Variants in KATNAL1 observed in about 807,000 individuals in gnomAD.
KATNAL1 encodes katanin p60 ATPase-containing subunit A-like 1.
A neutral mutation model predicts 55.2 loss-of-function variants in KATNAL1; 32 were observed. The observed-to-expected ratio is 0.58, with a 90% CI of 0.44 to 0.78. KATNAL1 has a LOEUF of 0.78. Ranked by LOEUF, KATNAL1 falls within the 30% of genes least tolerant of loss-of-function variation. KATNAL1 has a pLI of 0.00. For synonymous variants in KATNAL1, 193 were observed against 193.6 expected, an observed-to-expected ratio of 1.00 and a Z score of 0.02; for missense variants, 466 against 600.9, an observed-to-expected ratio of 0.78 and a Z score of 2.35.
chr13:30,233,258 A>G (rs968758306), intron 6 of KATNAL1, among the ~76,000 whole-genome samples: 1 of 152,216 alleles, frequency 6.6e-6, no homozygotes, highest in African/African-American at 2.4e-5. Flanking sequence ...GCAACTCAAT[A>G]GCAAAAAGAC....
chr13:30,210,636 A>T, intron 9 of KATNAL1, 194 bp from the exon 10 acceptor site: 3 of 175,836 alleles, frequency 1.7e-5, no homozygotes, highest in East Asian at 1.2e-4. Flanking sequence ...CCTCTGTTGC[A>T]GTAACTAAAA....
chr13:30,259,366 G>A (rs911264190), intron 3 of KATNAL1, among the ~76,000 whole-genome samples: 2 of 151,890 alleles, frequency 1.3e-5, no homozygotes, highest in African/African-American at 2.4e-5. Context: ...GTGGGGGGAG[G>A]AGCCAAGATG....
At chr13:30,267,792 T>G (rs1019049729) in intron 3 of KATNAL1, among the ~76,000 whole-genome samples, 3 of 151,628 alleles carry the variant, frequency 2.0e-5, no homozygotes, top group African/African-American at 7.3e-5. Flanking sequence ...GAGAGAGAAA[T>G]AGAAGCACAT....
Position 30,204,421 on chromosome 13 carries a change from A to ATC in KATNAL1, c.*4117_*4118dup, listed in dbSNP as rs1872926873. 8.5e-6 allele frequency: 1 copy of ATC among 117,396 alleles called. No individual in the cohort carries two copies. The highest frequency in any genetic ancestry group is 9.9e-5 in the Admixed American group (1 of 10,052). The allele number at this position is 117,396 out of a possible 1,614,324, so 7.3% of individuals were successfully genotyped here. A position where few individuals can be genotyped will look rare whatever the true frequency, so the allele number is the denominator to read the frequency against. ...AAATACTTGCCTAGTCCTTCATTTT[A>ATC]TCTCAAGTTAGGGTGGGGGGAAAGT... On this transcript the variant is annotated 3_prime_UTR_variant, in exon 11 of 11. Transcript: ENST00000380615.
intron 1 of KATNAL1, among the ~76,000 whole-genome samples, chr13:30,290,157 C>T (rs1472842732): frequency 1.3e-5 from 2 of 151,902 alleles, no homozygotes; most frequent in Non-Finnish European, 2.9e-5. Flanking sequence ...GCAAGGGAAG[C>T]AAATTAAAAC....
Position 30,279,993 on chromosome 13 carries a change from T to C in KATNAL1, c.323+70A>G, listed in dbSNP as rs1174379959. Reference sequence around the variant, plus strand: ...CCCAAAAATAATTTTTCATACTTTGTTCAAAACATGCTTCACTGTGAACAT... The same window carrying C: ...CCCAAAAATAATTTTTCATACTTTGCTCAAAACATGCTTCACTGTGAACAT... On this transcript the variant is annotated intron_variant, in intron 3 of 10. Transcript: ENST00000380615. 12 of 1,370,798 alleles carry C rather than the reference T, an allele frequency of 8.8e-6. 1 individual carries two copies. The highest frequency in any genetic ancestry group is 1.2e-5 in the Non-Finnish European group (12 of 1,002,762). 84.9% of individuals were successfully genotyped at this position (1,370,798 alleles called of 1,614,324 possible).
chr13:30,253,224 A>G (rs540915173), intron 4 of KATNAL1, among the ~76,000 whole-genome samples: 7 of 152,306 alleles, frequency 4.6e-5, no homozygotes, highest in Middle Eastern at 3.4e-3. Context: ...AGGCTTATGA[A>G]GTTTGCATGA....
chr13:30,253,966 G>A (rs897689186), intron 4 of KATNAL1, among the ~76,000 whole-genome samples: 37 of 152,256 alleles, frequency 2.4e-4, no homozygotes, highest in Non-Finnish European at 4.4e-5. Context: ...CTGTAAAGTC[G>A]GGATAGTAAG....
rs1430782522 is a variant in KATNAL1, at chr13:30,206,679, T to C, written c.*1861A>G. The stretch of plus-strand genomic sequence containing the variant: ...AAAGTAATGGAAAAACCACAATTAC[T>C]TTTGCACCAACCCATTACAAACAAG... On this transcript the variant is annotated 3_prime_UTR_variant, in exon 11 of 11. Transcript: ENST00000380615. 1 of 151,840 alleles carries C rather than the reference T, an allele frequency of 6.6e-6. No homozygotes were observed. The allele number at this position is 151,840 out of a possible 1,614,324, so 9.4% of individuals were successfully genotyped here. A position where few individuals can be genotyped will look rare whatever the true frequency, so the allele number is the denominator to read the frequency against.
Position 30,284,140 on chromosome 13 carries a change from G to A in KATNAL1, c.-14-349C>T, listed in dbSNP as rs146096553. 6.8e-3 allele frequency among the ~76,000 whole-genome samples: 1,041 copies of A among 152,238 alleles called. 5 individuals carry two copies. Among genetic ancestry groups the A allele is most frequent in the Non-Finnish European group, 0.011 (749 of 68,014 alleles). On this transcript the variant is annotated intron_variant, in intron 1 of 10. Coordinates refer to ENST00000380615, the MANE Select transcript of KATNAL1 (RefSeq NM_032116.5). ...CTCCCAAAGTGCTGGGATTACAGGC[G>A]TGAGCCACTGCGCCCAGTCTAGAAC... is the stretch of plus-strand genomic sequence containing the variant.
chr13:30,272,633 T>A (rs1444798984), intron 3 of KATNAL1, among the ~76,000 whole-genome samples: 1 of 152,136 alleles, frequency 6.6e-6, no homozygotes, highest in East Asian at 1.9e-4. Flanking sequence ...TTCAGTTGCC[T>A]TTTCTGTAAC....
chr13:30,282,936 C>G (rs1324981686), intron 2 of KATNAL1, among the ~76,000 whole-genome samples: 2 of 121,854 alleles, frequency 1.6e-5, no homozygotes, highest in Non-Finnish European at 1.7e-5. Context: ...GCCTGGGAAA[C>G]AGAGTAAGAC....
At chr13:30,232,600 C>T (rs144040996) in intron 6 of KATNAL1, among the ~76,000 whole-genome samples, 29 of 152,236 alleles carry the variant, frequency 1.9e-4, no homozygotes, top group African/African-American at 5.5e-4. Flanking sequence ...CTTATTTCTC[C>T]GATGCCTTTT....
chr13:30,270,974 T>C (rs866371976), intron 3 of KATNAL1, among the ~76,000 whole-genome samples: 2 of 148,536 alleles, frequency 1.3e-5, no homozygotes, highest in Middle Eastern at 3.5e-3. Flanking sequence ...ACAAGAGTGG[T>C]GACAGTGAAG....
At position 30,208,676 on chromosome 13, in the gene KATNAL1, G is replaced by C. The variant is rs993788781; in HGVS notation, c.1337C>G (p.Ala446Gly). ...CATCTGAAGTTCCTCTTTAGAAAGT[G>C]CACGGATTTCTTCTGGACTTAAGCC... ...INGLSPEEIR[A>G]LSKEELQMPV... The change falls in exon 11 of 11, where the codon GCA (alanine) becomes GGA (glycine). Residue 446 changes from alanine (A) to glycine (G), a missense_variant. By Grantham distance (60) the Ala-to-Gly change is moderately conservative. Transcript: ENST00000380615. 7 of 1,613,956 alleles carry C rather than the reference G, an allele frequency of 4.3e-6. No homozygotes were observed. The highest frequency in any genetic ancestry group is 5.9e-6 in the Non-Finnish European group (7 of 1,179,950).
chr13:30,225,242 C>G (rs1875336032), intron 9 of KATNAL1, among the ~76,000 whole-genome samples: 2 of 152,192 alleles, frequency 1.3e-5, no homozygotes, highest in Admixed American at 1.3e-4. Flanking sequence ...TCTACCACTT[C>G]ACATTCATCA....
intron 4 of KATNAL1, among the ~76,000 whole-genome samples, chr13:30,251,714 T>C (rs1473311919): frequency 2.0e-5 from 3 of 152,122 alleles, no homozygotes; most frequent in Non-Finnish European, 4.4e-5. Context: ...ACAGAAAAAA[T>C]ATAGCTTAAA....
chr13:30,249,462 A>G (rs1308019695), intron 4 of KATNAL1, among the ~76,000 whole-genome samples: 1 of 152,232 alleles, frequency 6.6e-6, no homozygotes, highest in Non-Finnish European at 1.5e-5. Flanking sequence ...CATCCAAAGC[A>G]GCATTACTCA....
intron 6 of KATNAL1, among the ~76,000 whole-genome samples, chr13:30,235,600 A>C (rs768452425): frequency 6.6e-5 from 10 of 152,244 alleles, no homozygotes; most frequent in Non-Finnish European, 1.3e-4. Context: ...GTGATGCAAC[A>C]ATCTCCATAT....
Sources: allele counts gnomAD v4.1 joint callset (sites outside exome capture counted in the v4.1 genomes callset), GRCh38; gene constraint gnomAD v4.1.1; transcripts MANE v1.5; gene names NCBI Gene and HGNC (gene_info 2026-07-23, HGNC 2026-07-21).